The following CHD6 variants were observed in gnomAD, a reference collection of about 807,000 sequenced individuals.
CHD6 encodes chromodomain helicase DNA binding protein 6, also known as ATP-dependent chromatin remodeler CHD6.
Under a neutral mutation model 276.9 loss-of-function variants are expected in CHD6, and 50 were observed. The observed-to-expected ratio is 0.18, with a 90% CI of 0.14 to 0.23. The LOEUF is 0.23. Ranked by LOEUF, CHD6 falls within the 10% of genes least tolerant of loss-of-function variation. The pLI is 1.00. For missense variants in CHD6, 2,564 were observed against 3,365.8 expected, an observed-to-expected ratio of 0.76 and a Z score of 5.89; for synonymous variants, 1,173 against 1,229.3, an observed-to-expected ratio of 0.95 and a Z score of 0.96.
In CHD6 at chr20:41,533,194, T is replaced by G. The variant is rs768992178; in HGVS notation, c.410A>C (p.Lys137Thr). Residue 137 changes from lysine (K) to threonine (T), a missense_variant, in exon 3 of 37, where the codon AAG becomes ACG. By Grantham distance (78) the Lys-to-Thr change is moderately conservative. Coordinates refer to ENST00000373233, the MANE Select transcript of CHD6 (RefSeq NM_032221.5). ...PKEPRKAKEP[K>T]KAKEHKEPKQ... Reference sequence around the variant, plus strand: ...CGGCTCCTTGTGCTCCTTGGCCTTCTTCGGCTCCTTGGCCTTTCTGGGTTC... The same window carrying G: ...CGGCTCCTTGTGCTCCTTGGCCTTCGTCGGCTCCTTGGCCTTTCTGGGTTC... 1.9e-6 allele frequency: 3 copies of G among 1,613,944 alleles called. No individual in the cohort carries two copies. Among genetic ancestry groups the G allele is most frequent in the South Asian group, 1.1e-5 (1 of 91,074 alleles).
intron 18 of CHD6, 56 bp from the exon 19 acceptor site, chr20:41,456,035 G>C: frequency 1.4e-6 from 2 of 1,443,792 alleles, no homozygotes; most frequent in Non-Finnish European, 1.8e-6. Flanking sequence ...GAGAAAAACA[G>C]CCTCAAATCT....
At chr20:41,481,555 A>G (rs183170039) in intron 16 of CHD6, among the ~76,000 whole-genome samples, 3 of 152,250 alleles carry the variant, frequency 2.0e-5, no homozygotes, top group Admixed American at 6.5e-5. Context: ...TAAAAACAAT[A>G]TTGATCAGAA....
intron 16 of CHD6, among the ~76,000 whole-genome samples, chr20:41,475,332 T>C (rs1347909097): frequency 6.6e-6 from 1 of 152,212 alleles, no homozygotes; most frequent in Non-Finnish European, 1.5e-5. Context: ...CTCAGTCATC[T>C]AGCTGGTTAA....
Position 41,440,176 on chromosome 20 carries a change from A to G in CHD6, c.3878-47T>C, listed in dbSNP as rs745932956. 4.4e-6 allele frequency: 7 copies of G among 1,583,182 alleles called. No individual in the cohort carries two copies. The Admixed American group carries it at 1.0e-4, about 23-fold the overall frequency. ...TGCCAGAAGTCATGTTAGAACTCAC[A>G]ATATTTGCTTTGGGCACTAGTCTTT... On this transcript the variant is annotated intron_variant, in intron 25 of 36. Transcript: ENST00000373233.
At chr20:41,571,061 AGTT>A (rs1248067588) in intron 1 of CHD6, among the ~76,000 whole-genome samples, 3 of 152,094 alleles carry the variant, frequency 2.0e-5, no homozygotes, top group Non-Finnish European at 4.4e-5. Context: ...ACAAGTCTAC[AGTT>A]GTTGTTATCA....
intron 1 of CHD6, among the ~76,000 whole-genome samples, chr20:41,585,511 CA>C (rs60920576): frequency 0.3 from 22,074 of 74,272 alleles, 2,809 homozygotes; most frequent in African/African-American, 0.54. Flanking sequence ...TCCGTCTCAC[CA>C]AAAAAAAAAA....
At chr20:41,585,361 C>T (rs571897021) in intron 1 of CHD6, among the ~76,000 whole-genome samples, 9 of 151,714 alleles carry the variant, frequency 5.9e-5, no homozygotes. Flanking sequence ...ATTAGCCAGG[C>T]GTGGGGAGCA....
rs542467070 is a variant in CHD6, at chr20:41,538,253, A to C, written c.34-4683T>G. ...GTAATCCCAGCTACTTGGGAGGCTA[A>C]GGCAGGAGAATTGCTTGAACTTGGG... On this transcript the variant is annotated intron_variant, in intron 2 of 36. Coordinates refer to ENST00000373233, the MANE Select transcript of CHD6 (RefSeq NM_032221.5). Among the ~76,000 whole-genome samples the C allele has an allele frequency of 8.1e-4, 123 of 152,344 alleles. 1 individual carries two copies. The highest frequency in any genetic ancestry group is 2.7e-3 in the African/African-American group (112 of 41,590).
At chr20:41,456,077 T>TGGAG in intron 18 of CHD6, 98 bp from the exon 19 acceptor site, 4 of 1,151,124 alleles carry the variant, frequency 3.5e-6, no homozygotes, top group Non-Finnish European at 4.8e-6. Context: ...AGTTCCTCCA[T>TGGAG]GAACTACATG....
intron 16 of CHD6, chr20:41,482,592 G>A (rs2145825961): frequency 2.0e-6 from 1 of 495,316 alleles, no homozygotes; most frequent in South Asian, 1.5e-5. Flanking sequence ...GATCTTGAAA[G>A]TCTTTTATCA....
intron 7 of CHD6, chr20:41,497,941 G>A (rs2043728052): frequency 1.9e-6 from 1 of 522,836 alleles, no homozygotes; most frequent in East Asian, 3.4e-5. Flanking sequence ...TGAGCCAATG[G>A]TCTTGGGTGG....
intron 16 of CHD6, among the ~76,000 whole-genome samples, chr20:41,479,501 T>G (rs1000433797): frequency 6.6e-6 from 1 of 151,824 alleles, no homozygotes; most frequent in Non-Finnish European, 1.5e-5. Flanking sequence ...CAGGGCACAG[T>G]GGACTAACAC....
At chr20:41,467,290 TA>T (rs537482188) in intron 17 of CHD6, among the ~76,000 whole-genome samples, 1 of 149,172 alleles carries the variant, frequency 6.7e-6, no homozygotes. Context: ...GAGAACTCAA[TA>T]AAAAAAAACA....
rs1293216784 is a variant in CHD6 at position 41,493,575 on chromosome 20, A to G, written c.1277T>C (p.Phe426Ser). 6.2e-7 allele frequency: 1 copy of G among 1,613,952 alleles called. No homozygotes were observed. The highest frequency in any genetic ancestry group is 1.7e-5 in the Admixed American group (1 of 60,006). ...EDVDPAKVKE[F>S]ESLQVLPEIK... ...TTCAGGGAGAACTTGAAGAGATTCAAATTCTTTAACTTTTGCAGGATCTAC... is the reference window on the plus strand; with the variant it reads ...TTCAGGGAGAACTTGAAGAGATTCAGATTCTTTAACTTTTGCAGGATCTAC... Residue 426 changes from phenylalanine (F) to serine (S), a missense_variant, in exon 10 of 37, where the codon TTT (phenylalanine) becomes TCT (serine). Phe to Ser is a radical substitution (Grantham distance 155). Transcript: ENST00000373233.
chr20:41,447,503 T>G (rs530698939), intron 24 of CHD6, among the ~76,000 whole-genome samples: 2 of 152,192 alleles, frequency 1.3e-5, no homozygotes, highest in African/African-American at 2.4e-5. Context: ...AAAGAAAATA[T>G]GTATATGAGT....
rs548189463 is a variant in CHD6, at chr20:41,402,333, A to C, written c.*2260T>G. On this transcript the variant is annotated 3_prime_UTR_variant, in exon 37 of 37. Coordinates refer to ENST00000373233, the MANE Select transcript of CHD6 (RefSeq NM_032221.5). ...AGAGTGTCATATTCATTTTGCAAAC[A>C]GGGTCACAACAGCAGTCAAATAGAA... 3.7e-4 allele frequency: 84 copies of C among 227,840 alleles called. No homozygotes were observed. The highest frequency in any genetic ancestry group is 5.8e-4 in the Non-Finnish European group (66 of 114,722). The allele number at this position is 227,840 out of a possible 1,614,324, so 14.1% of individuals were successfully genotyped here.
chr20:41,483,913 C>T (rs1016641801), intron 15 of CHD6, among the ~76,000 whole-genome samples: 13 of 152,154 alleles, frequency 8.5e-5, no homozygotes, highest in African/African-American at 2.9e-4. Context: ...AAAAAAAAAT[C>T]CTCCCAACAT....
intron 1 of CHD6, among the ~76,000 whole-genome samples, chr20:41,593,361 T>C (rs1294988726): frequency 6.6e-6 from 1 of 152,202 alleles, no homozygotes; most frequent in Non-Finnish European, 1.5e-5. Context: ...AGCATTAATT[T>C]ATGAGAACAC....
At chr20:41,449,399 C>T (rs1001113456) in intron 23 of CHD6, among the ~76,000 whole-genome samples, 3 of 152,272 alleles carry the variant, frequency 2.0e-5, no homozygotes, top group Middle Eastern at 6.8e-3. Flanking sequence ...CTCCCTAAGA[C>T]AGGGAGAGCT....
Sources: allele counts gnomAD v4.1 joint callset (sites outside exome capture counted in the v4.1 genomes callset), GRCh38; gene constraint gnomAD v4.1.1; transcripts MANE v1.5; gene names NCBI Gene and HGNC (gene_info 2026-07-23, HGNC 2026-07-21).